Variants in PSAP observed in about 807,000 individuals in gnomAD.
PSAP encodes the protein precursor of saposins.
Under a neutral mutation model 66.0 loss-of-function variants are expected in PSAP, and 25 were observed. That is an observed-to-expected ratio of 0.38 (90% confidence interval 0.28 to 0.53). The LOEUF (loss-of-function observed/expected upper bound fraction) is 0.53, where lower values mean the gene tolerates loss of function less well. Among genes scored for constraint, PSAP ranks in the 20% least tolerant of loss-of-function variants. The pLI is 0.83. For synonymous variants in PSAP, 273 were observed against 258.9 expected, an observed-to-expected ratio of 1.05 and a Z score of -0.52; for missense variants, 649 against 668.8, an observed-to-expected ratio of 0.97 and a Z score of 0.33.
intron 1 of PSAP, among the ~76,000 whole-genome samples, chr10:71,849,300 T>C (rs1479436478): frequency 6.6e-6 from 1 of 152,246 alleles, no homozygotes; most frequent in African/African-American, 2.4e-5. Context: ...AGATACATTC[T>C]TGAGAGCTGC....
At chr10:71,833,371 T>C (rs902806712) in intron 2 of PSAP, among the ~76,000 whole-genome samples, 5 of 152,050 alleles carry the variant, frequency 3.3e-5, no homozygotes, top group African/African-American at 9.7e-5. Context: ...GGTGGGAGGA[T>C]TGCTTGAGCC....
At chr10:71,826,078 C>T (rs1481650754) in intron 6 of PSAP, among the ~76,000 whole-genome samples, 185 bp from the exon 7 acceptor site, 1 of 152,228 alleles carries the variant, frequency 6.6e-6, no homozygotes, top group Admixed American at 6.5e-5. Flanking sequence ...AATTTGGTTA[C>T]TCTATCATTT....
rs747573836 is a variant in PSAP at position 71,820,169 on chromosome 10, G to C, written c.1005+71C>G. 1.0e-5 allele frequency: 14 copies of C among 1,359,046 alleles called. No homozygotes were observed. The South Asian group carries it at 1.0e-4, about 10-fold the overall frequency. The allele number at this position is 1,359,046 out of a possible 1,614,324, so 84.2% of individuals were successfully genotyped here. On this transcript the variant is annotated intron_variant, in intron 9 of 13. Transcript: ENST00000394936. ...CTGGGCCAAGCCCTCTCTCCTGTGG[G>C]ACTTTCCCACTGGGACATTCAGGCT... is the stretch of plus-strand genomic sequence containing the variant.
At chr10:71,835,084 A>C (rs938457734) in intron 1 of PSAP, among the ~76,000 whole-genome samples, 3 of 152,108 alleles carry the variant, frequency 2.0e-5, no homozygotes, top group East Asian at 3.9e-4. Context: ...AAAATACAAA[A>C]AAAAACAATT....
intron 1 of PSAP, among the ~76,000 whole-genome samples, chr10:71,839,561 C>T (rs1213354701): frequency 6.6e-6 from 1 of 152,118 alleles, no homozygotes; most frequent in African/African-American, 2.4e-5. Flanking sequence ...TTTTTAAAGA[C>T]ATAGATTTCA....
intron 1 of PSAP, among the ~76,000 whole-genome samples, chr10:71,838,310 A>T (rs1842665961): frequency 6.6e-6 from 1 of 152,222 alleles, no homozygotes; most frequent in Admixed American, 6.5e-5. Flanking sequence ...ACCAGGAGAG[A>T]CACGCCCATG....
Position 71,838,464 on chromosome 10 carries a change from G to A in PSAP, c.41-3959C>T, listed in dbSNP as rs187732543. Among the ~76,000 whole-genome samples the A allele has an allele frequency of 2.0e-3, 311 of 152,314 alleles. 1 individual carries two copies. The highest frequency in any genetic ancestry group is 7.0e-3 in the African/African-American group (289 of 41,570). On this transcript the variant is annotated intron_variant, in intron 1 of 13. Coordinates refer to ENST00000394936, the MANE Select transcript of PSAP (RefSeq NM_002778.4). ...CATCTCCAAGGAGGGGGAGAATCCC[G>A]TACACCTTCCACCAGGGTGTGGAGC...
intron 13 of PSAP, among the ~76,000 whole-genome samples, chr10:71,817,909 G>A (rs561247177): frequency 6.6e-6 from 1 of 152,360 alleles, no homozygotes; most frequent in South Asian, 2.1e-4. Flanking sequence ...TGTGGGGTGG[G>A]GCTGGCGGTG....
At position 71,831,833 on chromosome 10, in the gene PSAP, C is replaced by T; in HGVS notation, c.249+13G>A. The T allele has an allele frequency of 6.2e-7, 1 of 1,613,680 alleles. No individual in the cohort carries two copies. The highest frequency in any genetic ancestry group is 8.5e-7 in the Non-Finnish European group (1 of 1,179,836). On this transcript the variant is annotated intron_variant, in intron 3 of 13. Transcript: ENST00000394936. ...CCGTGGCTCAAGCACCATCCCCACT[C>T]ACCGCCGCTCACCTCAGTGGCATTG...
intron 1 of PSAP, among the ~76,000 whole-genome samples, chr10:71,849,717 C>T (rs1443615031): frequency 6.6e-6 from 1 of 152,058 alleles, no homozygotes; most frequent in Non-Finnish European, 1.5e-5. Context: ...CTATGTTGCC[C>T]AGGCTGGTCT....
intron 1 of PSAP, 102 bp from the exon 2 acceptor site, chr10:71,834,607 T>C: frequency 6.9e-7 from 1 of 1,449,364 alleles, no homozygotes; most frequent in Non-Finnish European, 9.4e-7. Context: ...TGAGCTGGAC[T>C]CTGCTACTCA....
Position 71,831,826 on chromosome 10 carries a change from C to T in PSAP, c.249+20G>A, listed in dbSNP as rs2133049043. ...CACGTGCCCGTGGCTCAAGCACCAT[C>T]CCCACTCACCGCCGCTCACCTCAGT... On this transcript the variant is annotated intron_variant, in intron 3 of 13. Transcript: ENST00000394936. 1.2e-6 allele frequency: 2 copies of T among 1,612,982 alleles called. No homozygotes were observed. Among genetic ancestry groups the T allele is most frequent in the Admixed American group, 1.7e-5 (1 of 60,028 alleles).
rs1229896248 is a variant in PSAP at position 71,820,351 on chromosome 10, A to G, written c.910-16T>C. 4 of 1,602,586 alleles carry G rather than the reference A, an allele frequency of 2.5e-6. No homozygotes were observed. The highest frequency in any genetic ancestry group is 4.5e-5 in the East Asian group (2 of 44,832). ...CCTCGTGCTTCTGTGGAAAGAGTAGAAGGAGAGTACTTTCAATGCTGGGAC... is the reference window on the plus strand; with the variant it reads ...CCTCGTGCTTCTGTGGAAAGAGTAGGAGGAGAGTACTTTCAATGCTGGGAC... On this transcript the variant is annotated splice_polypyrimidine_tract_variant and intron_variant, in intron 8 of 13. Coordinates refer to ENST00000394936, the MANE Select transcript of PSAP (RefSeq NM_002778.4).
Position 71,816,410 on chromosome 10 carries a change from G to A in PSAP, c.*1031C>T. The A allele has an allele frequency of 2.1e-6, 1 of 471,204 alleles. No individual in the cohort carries two copies. Among genetic ancestry groups the A allele is most frequent in the Non-Finnish European group, 4.4e-6 (1 of 227,048 alleles). The allele number at this position is 471,204 out of a possible 1,614,324, so 29.2% of individuals were successfully genotyped here. ...CTGCTGGCTTTGCTTGCTGTCTCCT[G>A]GCAACCAGAAGTGGACAGAAGCGTG... is the stretch of plus-strand genomic sequence containing the variant. On this transcript the variant is annotated 3_prime_UTR_variant, in exon 14 of 14. Transcript: ENST00000394936.
chr10:71,833,457 C>G (rs1435125061), intron 2 of PSAP, among the ~76,000 whole-genome samples: 2 of 151,902 alleles, frequency 1.3e-5, no homozygotes, highest in African/African-American at 4.8e-5. Flanking sequence ...GACCCTGCCT[C>G]CAAAAAAAAG....
chr10:71,831,005 T>C, intron 4 of PSAP, 121 bp downstream of exon 4: 1 of 1,444,764 alleles, frequency 6.9e-7, no homozygotes. Flanking sequence ...TGTAGCAAAA[T>C]GCTGTTGAGG....
chr10:71,819,411 A>G, intron 11 of PSAP, 54 bp downstream of exon 11: 1 of 1,607,618 alleles, frequency 6.2e-7, no homozygotes, highest in Non-Finnish European at 8.5e-7. Context: ...CAGCCTTGGC[A>G]TACTTCATCA....
chr10:71,821,048 G>A (rs576324944), intron 8 of PSAP, among the ~76,000 whole-genome samples: 3 of 152,310 alleles, frequency 2.0e-5, no homozygotes, highest in Admixed American at 6.5e-5. Context: ...TTCTCTGGCC[G>A]TCACTTTGGT....
intron 7 of PSAP, among the ~76,000 whole-genome samples, chr10:71,822,853 CTT>C (rs1842332808): frequency 6.6e-6 from 1 of 152,120 alleles, no homozygotes; most frequent in Admixed American, 6.5e-5. Context: ...TATGGCTCAT[CTT>C]GTTTTAATAT....
Sources: gnomAD v4.1 joint callset for allele counts (sites outside exome capture counted in the v4.1 genomes callset) on GRCh38, gnomAD v4.1.1 for gene constraint, MANE v1.5 for transcripts, NCBI Gene and HGNC (gene_info 2026-07-23, HGNC 2026-07-21) for gene names.